TLL2: variants seen among roughly 807,000 people sequenced by gnomAD.
TLL2 encodes tolloid-like protein 2.
In TLL2, 106 loss-of-function variants were observed where a neutral mutation model predicts 123.0. The observed-to-expected ratio is 0.86, with a 90% CI of 0.74 to 1.01. The LOEUF is 1.01. Ranked by LOEUF, TLL2 falls within the 50% of genes least tolerant of loss-of-function variation. The pLI, the probability that TLL2 is intolerant of heterozygous loss-of-function variation, is 0.00. For missense variants in TLL2, 1,332 were observed against 1,336.7 expected, an observed-to-expected ratio of 1.00 and a Z score of 0.06; for synonymous variants, 494 against 516.8, an observed-to-expected ratio of 0.96 and a Z score of 0.60.
intron 2 of TLL2, among the ~76,000 whole-genome samples, chr10:96,460,108 TTGAG>T (rs1847065154): frequency 6.6e-6 from 1 of 152,202 alleles, no homozygotes; most frequent in Non-Finnish European, 1.5e-5. Context: ...TTTGTATGTG[TTGAG>T]TAATTCCCCA....
intron 3 of TLL2, among the ~76,000 whole-genome samples, chr10:96,444,078 G>A (rs965575459): frequency 6.6e-6 from 1 of 152,212 alleles, no homozygotes; most frequent in Non-Finnish European, 1.5e-5. Flanking sequence ...CCAGCAGTCA[G>A]AGGAGTACAA....
At chr10:96,423,622 A>G (rs1846647745) in intron 5 of TLL2, among the ~76,000 whole-genome samples, 1 of 152,222 alleles carries the variant, frequency 6.6e-6, no homozygotes, top group African/African-American at 2.4e-5. Flanking sequence ...CAAAACAAAT[A>G]AAAACAACAG....
At chr10:96,372,876 G>T (rs78441094) in intron 19 of TLL2, among the ~76,000 whole-genome samples, 1 of 152,166 alleles carries the variant, frequency 6.6e-6, no homozygotes, top group Middle Eastern at 3.4e-3. Context: ...TAGAGATCGG[G>T]GGGTGGTCTC....
At chr10:96,440,523 G>T (rs1846841221) in intron 3 of TLL2, among the ~76,000 whole-genome samples, 1 of 152,174 alleles carries the variant, frequency 6.6e-6, no homozygotes, top group Non-Finnish European at 1.5e-5. Context: ...TTCCCATATG[G>T]TTTTCAACAA....
intron 8 of TLL2, among the ~76,000 whole-genome samples, chr10:96,412,979 A>G (rs756776734): frequency 6.6e-6 from 1 of 152,336 alleles, no homozygotes; most frequent in African/African-American, 2.4e-5. Context: ...GAAATTGCCA[A>G]TGGACTCTAA....
chr10:96,385,999 C>T, intron 15 of TLL2, 56 bp downstream of exon 15: 1 of 1,447,674 alleles, frequency 6.9e-7, no homozygotes, highest in Non-Finnish European at 9.1e-7. Flanking sequence ...CACTGGTTTC[C>T]AGCTCTGAGT....
intron 3 of TLL2, among the ~76,000 whole-genome samples, chr10:96,441,707 T>G (rs1255872257): frequency 6.6e-6 from 1 of 152,136 alleles, no homozygotes; most frequent in Non-Finnish European, 1.5e-5. Context: ...AGGTAATGAA[T>G]GTCAAATGCC....
intron 17 of TLL2, 46 bp downstream of exon 17, chr10:96,378,921 G>T (rs367652825): frequency 6.2e-7 from 1 of 1,608,976 alleles, no homozygotes; most frequent in Admixed American, 1.7e-5. Flanking sequence ...CATGGGGTGC[G>T]GCGAAGGGCA....
chr10:96,513,613 C>T lies in TLL2; in HGVS notation c.73G>A (p.Gly25Arg). The T allele has an allele frequency of 6.2e-7, 1 of 1,602,522 alleles. No individual in the cohort carries two copies. Among genetic ancestry groups the T allele is most frequent in the Admixed American group, 1.7e-5 (1 of 59,884 alleles). The change falls in exon 1 of 21, where the codon GGA becomes AGA. Residue 25 changes from glycine (G) to arginine (R), a missense_variant. By Grantham distance (125) the Gly-to-Arg change is moderately radical. Coordinates refer to ENST00000357947, the MANE Select transcript of TLL2 (RefSeq NM_012465.4). Reference sequence around the variant, plus strand: ...GTGGCGTCCGGGCGCTCCCCGAGTCCCCCGGCGCCGCGAGGCAGCGGCAGC... The same window carrying T: ...GTGGCGTCCGGGCGCTCCCCGAGTCTCCCGGCGCCGCGAGGCAGCGGCAGC... ...LLLPLPRGAGGLGERPDATAD... is the reference protein window; with the variant it reads ...LLLPLPRGAGRLGERPDATAD...
intron 6 of TLL2, 51 bp downstream of exon 6, chr10:96,422,498 G>A: frequency 6.2e-7 from 1 of 1,605,170 alleles, no homozygotes; most frequent in African/African-American, 1.3e-5. Flanking sequence ...TGTCCCTGAG[G>A]TTGCCACCTT....
At chr10:96,372,112 C>G (rs1846089964) in intron 19 of TLL2, among the ~76,000 whole-genome samples, 1 of 152,194 alleles carries the variant, frequency 6.6e-6, no homozygotes, top group South Asian at 2.1e-4. Context: ...CACCTGTGTT[C>G]CTGCTGGTCT....
chr10:96,513,323 G>C (rs975349338), intron 1 of TLL2, among the ~76,000 whole-genome samples, 188 bp downstream of exon 1: 4 of 152,198 alleles, frequency 2.6e-5, no homozygotes, highest in African/African-American at 9.6e-5. Context: ...CAAACCTGGG[G>C]CCGGGACATC....
In TLL2 at chr10:96,513,563, G is replaced by T. The variant is rs1029557054; in HGVS notation, c.123C>A (p.Gly41=). ...CCAGCTGCTGCTCCGTGCCCTCCTC[G>T]CCGTCCAGCTCTGAGTAGTCTGCGG... ...DATADYSELD[G]EEGTEQQLEH... The change falls in exon 1 of 21, where the codon GGC becomes GGA. Residue 41 remains glycine, a synonymous_variant. Transcript: ENST00000357947. The T allele has an allele frequency of 6.2e-7, 1 of 1,611,668 alleles. No homozygotes were observed. Among genetic ancestry groups the T allele is most frequent in the South Asian group, 1.1e-5 (1 of 91,076 alleles).
chr10:96,457,958 A>C (rs748007682), intron 2 of TLL2, among the ~76,000 whole-genome samples: 1 of 152,116 alleles, frequency 6.6e-6, no homozygotes, highest in African/African-American at 2.4e-5. Flanking sequence ...TGTCTCCCCA[A>C]CACCTTCTAA....
chr10:96,477,143 G>A (rs1002610820), intron 2 of TLL2, among the ~76,000 whole-genome samples: 1 of 143,594 alleles, frequency 7.0e-6, no homozygotes, highest in Admixed American at 7.4e-5. Flanking sequence ...ATTCTAGGTA[G>A]ACGCAAAGTA....
intron 3 of TLL2, among the ~76,000 whole-genome samples, chr10:96,444,664 G>A (rs1846878900): frequency 6.6e-6 from 1 of 152,088 alleles, no homozygotes; most frequent in Non-Finnish European, 1.5e-5. Flanking sequence ...GGGTTGATAT[G>A]TGGAAAAAAG....
At chr10:96,398,265 G>C (rs1469790963) in intron 10 of TLL2, among the ~76,000 whole-genome samples, 1 of 152,158 alleles carries the variant, frequency 6.6e-6, no homozygotes, top group African/African-American at 2.4e-5. Context: ...TTCTGAACTG[G>C]CCTAGGGTTG....
At chr10:96,482,257 CAAAA>C (rs34832390) in intron 1 of TLL2, among the ~76,000 whole-genome samples, 1 of 93,384 alleles carries the variant, frequency 1.1e-5, no homozygotes, top group Non-Finnish European at 2.1e-5. Flanking sequence ...GACTACGTCT[CAAAA>C]AAAAAAAAAA....
chr10:96,435,380 T>A (rs527700637), intron 3 of TLL2, among the ~76,000 whole-genome samples: 6 of 152,338 alleles, frequency 3.9e-5, no homozygotes, highest in African/African-American at 1.4e-4. Context: ...TTGTCAGATA[T>A]ATAATTTCCA....
Sources: gnomAD v4.1 joint callset for allele counts (sites outside exome capture counted in the v4.1 genomes callset) on GRCh38, gnomAD v4.1.1 for gene constraint, MANE v1.5 for transcripts, NCBI Gene and HGNC (gene_info 2026-07-23, HGNC 2026-07-21) for gene names.